SEMA3A: variants seen among roughly 807,000 people sequenced by gnomAD.
SEMA3A encodes the protein semaphorin-3A.
SEMA3A carries 29 observed loss-of-function variants against 97.9 expected under a neutral mutation model. The observed-to-expected ratio is 0.30, with a 90% confidence interval of 0.22 to 0.40. The LOEUF is 0.40. SEMA3A is among the 10% of genes least tolerant of loss of function. SEMA3A has a pLI of 1.00. For synonymous variants in SEMA3A, 321 were observed against 323.7 expected (o/e 0.99, Z 0.09); for missense variants, 763 against 951.3 (o/e 0.80, Z 2.60).
At chr7:84,129,792 C>T (rs7793598) in intron 2 of SEMA3A, among the ~76,000 whole-genome samples, 121,643 of 151,280 alleles carry the variant, frequency 0.8, 48,911 homozygotes, top group East Asian at 0.93. Context: ...TAAAGGTAGA[C>T]TGAAGAAACA....
intron 5 of SEMA3A, among the ~76,000 whole-genome samples, chr7:84,053,563 T>C (rs1583880791): frequency 1.8e-5 from 1 of 55,376 alleles, no homozygotes; most frequent in East Asian, 8.6e-4. Context: ...TCCATTTGCT[T>C]GGTAGATCTT....
At chr7:84,358,745 G>A (rs1001395684) in intron 2 of SEMA3A, among the ~76,000 whole-genome samples, 5 of 152,006 alleles carry the variant, frequency 3.3e-5, no homozygotes, top group African/African-American at 7.2e-5. Flanking sequence ...CCATTTTCAC[G>A]ATATTGATTC....
intron 3 of SEMA3A, among the ~76,000 whole-genome samples, chr7:84,279,617 T>C (rs902778667): frequency 7.2e-5 from 11 of 152,086 alleles, no homozygotes; most frequent in Non-Finnish European, 1.3e-4. Context: ...GGGGCAAAGG[T>C]TATGTGGGAG....
chr7:84,321,556 TA>T (rs1222913448), intron 2 of SEMA3A, among the ~76,000 whole-genome samples: 1 of 152,056 alleles, frequency 6.6e-6, no homozygotes, highest in Non-Finnish European at 1.5e-5. Flanking sequence ...TACTAATACA[TA>T]GCAATACTAG....
At chr7:84,212,254 T>C (rs908795620) in intron 3 of SEMA3A, among the ~76,000 whole-genome samples, 2 of 152,230 alleles carry the variant, frequency 1.3e-5, no homozygotes, top group African/African-American at 4.8e-5. Flanking sequence ...TTAAGAATTA[T>C]TTTCTGTCCT....
intron 1 of SEMA3A, among the ~76,000 whole-genome samples, chr7:84,491,759 C>T (rs1806740509): frequency 1.3e-5 from 2 of 152,208 alleles, no homozygotes; most frequent in South Asian, 2.1e-4. Context: ...AAAATAAACG[C>T]AATGTGAAGA....
intron 5 of SEMA3A, among the ~76,000 whole-genome samples, chr7:84,046,664 G>A (rs1792366278): frequency 6.6e-6 from 1 of 151,840 alleles, no homozygotes; most frequent in Non-Finnish European, 1.5e-5. Context: ...CTGATTTAGT[G>A]TATGACTACT....
intron 1 of SEMA3A, among the ~76,000 whole-genome samples, chr7:84,470,532 C>G (rs893412083): frequency 2.6e-5 from 4 of 152,024 alleles, no homozygotes; most frequent in Non-Finnish European, 5.9e-5. Context: ...GTGCATGGGT[C>G]TTACCTTTGC....
intron 1 of SEMA3A, among the ~76,000 whole-genome samples, chr7:84,443,564 C>G (rs1021667957): frequency 1.3e-5 from 2 of 152,090 alleles, no homozygotes; most frequent in South Asian, 2.1e-4. Flanking sequence ...AGGTGAATGA[C>G]TCATGATTTC....
chr7:84,172,527 T>C (rs190846592), intron 1 of SEMA3A, among the ~76,000 whole-genome samples: 257 of 152,270 alleles, frequency 1.7e-3, no homozygotes, highest in African/African-American at 6.0e-3. Context: ...GTTCACGCCA[T>C]TCTCCTGCCT....
At chr7:84,451,872 A>G (rs1584335062) in intron 1 of SEMA3A, among the ~76,000 whole-genome samples, 1 of 152,220 alleles carries the variant, frequency 6.6e-6, no homozygotes, top group East Asian at 1.9e-4. Flanking sequence ...GGAATCCAGT[A>G]TTTTTGTTTT....
chr7:84,443,588 C>T (rs189950868), intron 1 of SEMA3A, among the ~76,000 whole-genome samples: 1 of 152,262 alleles, frequency 6.6e-6, no homozygotes, highest in Non-Finnish European at 1.5e-5. Flanking sequence ...TTGAAACTCT[C>T]ACGAAATTGC....
intron 3 of SEMA3A, among the ~76,000 whole-genome samples, chr7:84,263,356 A>G (rs1799906479): frequency 6.6e-6 from 1 of 152,182 alleles, no homozygotes; most frequent in South Asian, 2.1e-4. Flanking sequence ...GTCAGACTTC[A>G]TTGCCTCAGA....
chr7:84,004,525 C>T (rs1440127354), intron 11 of SEMA3A, among the ~76,000 whole-genome samples: 2 of 151,490 alleles, frequency 1.3e-5, no homozygotes, highest in Non-Finnish European at 2.9e-5. Flanking sequence ...TTTTAAAGTT[C>T]AGATAATTTT....
At chr7:84,047,910 TG>T (rs752660535) in intron 5 of SEMA3A, among the ~76,000 whole-genome samples, 26 of 152,112 alleles carry the variant, frequency 1.7e-4, no homozygotes, top group Non-Finnish European at 2.9e-4. Flanking sequence ...GTAGAACCTT[TG>T]TCTCGCTTAT....
chr7:84,479,794 T>C (rs1806395414), intron 1 of SEMA3A, among the ~76,000 whole-genome samples: 2 of 152,166 alleles, frequency 1.3e-5, no homozygotes. Flanking sequence ...TTCAACAATT[T>C]AACAACAATA....
At chr7:84,419,916 G>A (rs917361313) in intron 1 of SEMA3A, among the ~76,000 whole-genome samples, 6 of 152,152 alleles carry the variant, frequency 3.9e-5, no homozygotes, top group Non-Finnish European at 8.8e-5. Flanking sequence ...GTTTATTGAT[G>A]TGTTGCCTCC....
chr7:84,136,960 A>AAGGAAGGAAGGAAG (rs1562805305), intron 1 of SEMA3A, among the ~76,000 whole-genome samples: 2,154 of 141,202 alleles, frequency 0.015, 64 homozygotes, highest in Admixed American at 0.053. Context: ...GAGGGAGGGA[A>AAGGAAGGAAGGAAG]GAAGGAAGGA....
chr7:84,353,669 A>C (rs990634067), intron 2 of SEMA3A, among the ~76,000 whole-genome samples: 29 of 151,896 alleles, frequency 1.9e-4, no homozygotes, highest in African/African-American at 6.0e-4. Context: ...TTTCTTTGTC[A>C]TATTAAAATA....
Sources: gnomAD v4.1 joint callset for allele counts (sites outside exome capture counted in the v4.1 genomes callset) on GRCh38, gnomAD v4.1.1 for gene constraint, MANE v1.5 for transcripts, NCBI Gene and HGNC (gene_info 2026-07-23, HGNC 2026-07-21) for gene names.